The following EEPD1 variants were observed in gnomAD, a reference collection of about 807,000 sequenced individuals.
EEPD1 encodes the protein endonuclease/exonuclease/phosphatase family domain containing 1.
In EEPD1, 17 loss-of-function variants were observed where a neutral mutation model predicts 46.3. The ratio of observed to expected loss-of-function variants is 0.37; its 90% confidence interval spans 0.25 to 0.55. The LOEUF (loss-of-function observed/expected upper bound fraction) is 0.55, where lower values mean the gene tolerates loss of function less well. EEPD1 is among the 20% of genes least tolerant of loss of function. The pLI is 0.83. For synonymous variants in EEPD1, 313 were observed against 315.6 expected, an observed-to-expected ratio of 0.99 and a Z score of 0.09; for missense variants, 673 against 745.6, an observed-to-expected ratio of 0.90 and a Z score of 1.13.
chr7:36,199,841 T>G (rs55711975), intron 2 of EEPD1, among the ~76,000 whole-genome samples: 220 of 152,178 alleles, frequency 1.4e-3, no homozygotes, highest in Non-Finnish European at 2.7e-3. Flanking sequence ...TGGGTGCAGG[T>G]TGGGAAAAGC....
intron 2 of EEPD1, chr7:36,230,848 A>C (rs1251885530): frequency 1.3e-5 from 2 of 152,214 alleles, no homozygotes; most frequent in African/African-American, 4.8e-5. Flanking sequence ...TATTTTATCC[A>C]TACAGTGAAT....
intron 7 of EEPD1, 26 bp from the exon 8 acceptor site, chr7:36,298,981 G>C (rs368514717): frequency 1.2e-5 from 20 of 1,610,656 alleles, no homozygotes; most frequent in East Asian, 2.2e-5. Context: ...CCTGATTCCC[G>C]GTCTCTTTCC....
intron 2 of EEPD1, among the ~76,000 whole-genome samples, chr7:36,183,888 TA>T (rs1785318158): frequency 9.6e-4 from 130 of 135,044 alleles, no homozygotes; most frequent in Non-Finnish European, 1.5e-3. Flanking sequence ...TTTTTTTTTT[TA>T]TTTTTAAAAA....
intron 2 of EEPD1, among the ~76,000 whole-genome samples, chr7:36,175,059 C>A (rs1050413378): frequency 7.2e-5 from 11 of 152,144 alleles, no homozygotes; most frequent in African/African-American, 2.2e-4. Flanking sequence ...ACAAGGTTTG[C>A]CTTATTTGAC....
At position 36,259,281 on chromosome 7, in the gene EEPD1, TC is replaced by T. The variant is rs535606286; in HGVS notation, c.930+20247del. Among the ~76,000 whole-genome samples, 24 of 152,330 alleles carry T rather than the reference TC, an allele frequency of 1.6e-4. No homozygotes were observed. In the South Asian group the frequency reaches 4.6e-3, roughly 29 times the overall value. On this transcript the variant is annotated intron_variant, in intron 3 of 7. Transcript: ENST00000242108. Reference sequence around the variant, plus strand: ...GCTGGGAGCTGCAGACTGGAGCTGTTCCTATATGGCCATCTTGCCAGCCTCC... The same window carrying T: ...GCTGGGAGCTGCAGACTGGAGCTGTTCTATATGGCCATCTTGCCAGCCTCC...
At chr7:36,287,867 G>A (rs1787365330) in intron 6 of EEPD1, 90 bp downstream of exon 6, 1 of 1,526,306 alleles carries the variant, frequency 6.6e-7, no homozygotes, top group African/African-American at 1.4e-5. Context: ...ACTTGGGCTG[G>A]CTGTTTGTCA....
chr7:36,228,715 A>G (rs1786270913), intron 2 of EEPD1: 1 of 152,160 alleles, frequency 6.6e-6, no homozygotes, highest in African/African-American at 2.4e-5. Flanking sequence ...ATTCGTGTTT[A>G]TTGATGGGAG....
intron 4 of EEPD1, among the ~76,000 whole-genome samples, chr7:36,282,482 T>TG (rs1173705207): frequency 6.6e-6 from 1 of 152,224 alleles, no homozygotes; most frequent in Non-Finnish European, 1.5e-5. Flanking sequence ...CACAGCCTGT[T>TG]GGAGAGCAAG....
chr7:36,259,674 T>C (rs537508466), intron 3 of EEPD1, among the ~76,000 whole-genome samples: 35 of 147,538 alleles, frequency 2.4e-4, no homozygotes, highest in African/African-American at 8.1e-4. Context: ...CATGCCCGGC[T>C]ATTATAATTT....
intron 3 of EEPD1, among the ~76,000 whole-genome samples, chr7:36,255,458 C>A (rs1786814116): frequency 6.6e-6 from 1 of 151,868 alleles, no homozygotes; most frequent in Non-Finnish European, 1.5e-5. Context: ...AGATGTGTGG[C>A]TCTTTATTAC....
chr7:36,234,792 G>C (rs1292354825), intron 2 of EEPD1, among the ~76,000 whole-genome samples: 2 of 152,136 alleles, frequency 1.3e-5, no homozygotes, highest in East Asian at 3.9e-4. Flanking sequence ...GAAATGACCA[G>C]TGAGCATTCT....
At chr7:36,251,539 A>G (rs1452441716) in intron 3 of EEPD1, among the ~76,000 whole-genome samples, 1 of 152,184 alleles carries the variant, frequency 6.6e-6, no homozygotes, top group Non-Finnish European at 1.5e-5. Flanking sequence ...TGAACTCCCA[A>G]CCTCAGGTGA....
chr7:36,235,610 C>T (rs1489508156), intron 2 of EEPD1, among the ~76,000 whole-genome samples: 1 of 152,274 alleles, frequency 6.6e-6, no homozygotes, highest in African/African-American at 2.4e-5. Flanking sequence ...AATGCCATAG[C>T]AATCATGGAT....
Position 36,299,522 on chromosome 7 carries a change from A to G in EEPD1, c.*316A>G, listed in dbSNP as rs1787583443. On this transcript the variant is annotated 3_prime_UTR_variant, in exon 8 of 8. Coordinates refer to ENST00000242108, the MANE Select transcript of EEPD1 (RefSeq NM_030636.3). ...CTGACTGGATGGCAGCACAAAGACA[A>G]TATGAGCAGAGGGAGGAGAAGAAGG... The G allele has an allele frequency of 2.7e-6, 1 of 376,146 alleles. No homozygotes were observed. Among genetic ancestry groups the G allele is most frequent in the Non-Finnish European group, 4.9e-6 (1 of 202,942 alleles). 23.3% of individuals were successfully genotyped at this position (376,146 alleles called of 1,614,324 possible).
At position 36,197,604 on chromosome 7, in the gene EEPD1, A is replaced by G. The variant is rs560301694; in HGVS notation, c.879-41381A>G. ...TTCTGCCTTGGGATCCTATTGATCT[A>G]TGACTTTACCCCCAACCCTGTGCTC... On this transcript the variant is annotated intron_variant, in intron 2 of 7. Transcript: ENST00000242108. Among the ~76,000 whole-genome samples the G allele has an allele frequency of 1.6e-4, 25 of 152,342 alleles. No homozygotes were observed. In the East Asian group the frequency reaches 4.6e-3, roughly 28 times the overall value.
At chr7:36,292,798 T>C (rs1010424258) in intron 6 of EEPD1, among the ~76,000 whole-genome samples, 2 of 152,172 alleles carry the variant, frequency 1.3e-5, no homozygotes, top group African/African-American at 2.4e-5. Flanking sequence ...TGAGCCACTG[T>C]GCCTGGCCTA....
intron 2 of EEPD1, among the ~76,000 whole-genome samples, chr7:36,196,916 T>C (rs1443351858): frequency 2.7e-5 from 4 of 147,012 alleles, no homozygotes; most frequent in African/African-American, 1.0e-4. Context: ...CTGCCCAGTC[T>C]GGAAAGTGAG....
intron 3 of EEPD1, among the ~76,000 whole-genome samples, chr7:36,279,579 T>G (rs1231174956): frequency 2.0e-5 from 3 of 152,188 alleles, no homozygotes. Flanking sequence ...TGAGAGTGGC[T>G]TTCTGCAGCA....
intron 3 of EEPD1, among the ~76,000 whole-genome samples, chr7:36,275,908 A>G (rs1054164746): frequency 2.7e-5 from 4 of 150,884 alleles, no homozygotes; most frequent in Admixed American, 2.6e-4. Context: ...ACCCCTTGTC[A>G]CTGCAGAGTC....
Sources: allele counts gnomAD v4.1 joint callset (sites outside exome capture counted in the v4.1 genomes callset), GRCh38; gene constraint gnomAD v4.1.1; transcripts MANE v1.5; gene names NCBI Gene and HGNC (gene_info 2026-07-23, HGNC 2026-07-21).